The following TIMM9 variants were observed in gnomAD, a reference collection of about 807,000 sequenced individuals.
TIMM9 encodes the protein mitochondrial import inner membrane translocase subunit Tim9.
A neutral mutation model predicts 13.4 loss-of-function variants in TIMM9; 10 were observed. That is an observed-to-expected ratio of 0.75 (90% CI 0.46 to 1.26). The LOEUF (loss-of-function observed/expected upper bound fraction) is 1.26. Among genes scored for constraint, TIMM9 ranks in the 50% most tolerant of loss-of-function variants. The pLI is 0.00. For missense variants in TIMM9, 87 were observed against 100.8 expected (o/e 0.86, Z 0.58); for synonymous variants, 32 against 32.1 (o/e 1.00, Z 0.01).
In TIMM9 at chr14:58,408,956, T is replaced by G. The variant is rs1476414971; in HGVS notation, c.*78A>C. 1 of 1,542,908 alleles carries G rather than the reference T, an allele frequency of 6.5e-7. No individual in the cohort carries two copies. The highest frequency in any genetic ancestry group is 8.7e-7 in the Non-Finnish European group (1 of 1,150,242). On this transcript the variant is annotated 3_prime_UTR_variant, in exon 6 of 6. Transcript: ENST00000395159. Reference sequence around the variant, plus strand: ...CATGGTGGCTACTGCTTTCAGGGGATTCTATCAGATGAGTCCTCATTTCCA... The same window carrying G: ...CATGGTGGCTACTGCTTTCAGGGGAGTCTATCAGATGAGTCCTCATTTCCA...
intron 3 of TIMM9, among the ~76,000 whole-genome samples, chr14:58,419,131 A>G (rs1202448320): frequency 6.6e-6 from 1 of 152,122 alleles, no homozygotes; most frequent in Non-Finnish European, 1.5e-5. Flanking sequence ...GTGGAACATA[A>G]CAAAGAATCT....
At chr14:58,426,943 C>T (rs1268745589) in intron 2 of TIMM9, 111 bp downstream of exon 2, 3 of 152,824 alleles carry the variant, frequency 2.0e-5, no homozygotes, top group Non-Finnish European at 2.9e-5. Flanking sequence ...CCCCACTGCT[C>T]CAGGTACGTG....
intron 3 of TIMM9, among the ~76,000 whole-genome samples, chr14:58,414,736 C>CAAAAAA (rs35380721): frequency 1.7e-5 from 2 of 117,554 alleles, no homozygotes; most frequent in Non-Finnish European, 3.4e-5. Flanking sequence ...GACGCCATCT[C>CAAAAAA]AAAAAAAAAA....
rs1410085565 is a variant in TIMM9 at position 58,416,572 on chromosome 14, G to A, written c.-26-4601C>T. The stretch of plus-strand genomic sequence containing the variant: ...CTAAACGAAGAAAATGATAAAAGTA[G>A]TAGTCCTGGAACATCAAGGAGGAAA... On this transcript the variant is annotated intron_variant, in intron 3 of 5. Transcript: ENST00000395159. Among the ~76,000 whole-genome samples the A allele has an allele frequency of 2.0e-5, 3 of 152,160 alleles. No individual in the cohort carries two copies. The South Asian group carries it at 6.2e-4, about 32-fold the overall frequency.
chr14:58,413,093 G>A (rs569095708), intron 3 of TIMM9, among the ~76,000 whole-genome samples: 1 of 152,092 alleles, frequency 6.6e-6, no homozygotes, highest in African/African-American at 2.4e-5. Context: ...CACATAAAAA[G>A]TATTAATAAG....
At position 58,408,598 on chromosome 14, in the gene TIMM9, A is replaced by G; in HGVS notation, c.*436T>C. The stretch of plus-strand genomic sequence containing the variant: ...TCCTGATTGAAAAACATTTCAACGT[A>G]TCCACAGTCCAGTGAGAATACTATG... On this transcript the variant is annotated 3_prime_UTR_variant, in exon 6 of 6. Transcript: ENST00000395159. 6.2e-7 allele frequency: 1 copy of G among 1,611,888 alleles called. No individual in the cohort carries two copies. The highest frequency in any genetic ancestry group is 8.5e-7 in the Non-Finnish European group (1 of 1,178,140).
At chr14:58,417,497 T>TG (rs2036450178) in intron 3 of TIMM9, among the ~76,000 whole-genome samples, 3 of 27,590 alleles carry the variant, frequency 1.1e-4, no homozygotes, top group South Asian at 1.8e-3. Context: ...CAAGACCCTG[T>TG]TAAAAAAAAA....
intron 5 of TIMM9, among the ~76,000 whole-genome samples, chr14:58,409,421 T>G (rs976683497): frequency 1.3e-5 from 2 of 152,198 alleles, no homozygotes; most frequent in Non-Finnish European, 2.9e-5. Flanking sequence ...TTCAAAAAGC[T>G]TCTGGACTAG....
At chr14:58,420,793 CAAAA>C (rs71107945) in intron 3 of TIMM9, among the ~76,000 whole-genome samples, 1 of 57,490 alleles carries the variant, frequency 1.7e-5, no homozygotes. Context: ...AAATCCATCT[CAAAA>C]AAAAAAAAAA....
chr14:58,416,552 C>T (rs570224657), intron 3 of TIMM9, among the ~76,000 whole-genome samples: 11 of 151,988 alleles, frequency 7.2e-5, no homozygotes, highest in African/African-American at 9.7e-5. Flanking sequence ...AGTTTCTAAA[C>T]GAAGAAAATG....
intron 2 of TIMM9, among the ~76,000 whole-genome samples, chr14:58,426,442 T>A (rs1221919325): frequency 1.3e-5 from 2 of 152,112 alleles, no homozygotes; most frequent in Non-Finnish European, 2.9e-5. Context: ...CCTGATCTCG[T>A]GATCCGCCCG....
At position 58,426,024 on chromosome 14, in the gene TIMM9, G is replaced by A. The variant is rs1028020547; in HGVS notation, c.-115+1030C>T. Among the ~76,000 whole-genome samples, 3 of 151,588 alleles carry A rather than the reference G, an allele frequency of 2.0e-5. No individual in the cohort carries two copies. The East Asian group carries it at 5.9e-4, about 30-fold the overall frequency. On this transcript the variant is annotated intron_variant, in intron 2 of 5. Coordinates refer to ENST00000395159, the MANE Select transcript of TIMM9 (RefSeq NM_012460.4). Reference sequence around the variant, plus strand: ...CCAGCTACTCAGGAGGCCTGAGGCAGAAGAATCGCTTGAACCTGGGAGGCG... The same window carrying A: ...CCAGCTACTCAGGAGGCCTGAGGCAAAAGAATCGCTTGAACCTGGGAGGCG...
chr14:58,421,694 C>T lies in TIMM9; in HGVS notation c.-27+2314G>A, dbSNP rs1375204040. Among the ~76,000 whole-genome samples, 9 of 152,204 alleles carry T rather than the reference C, an allele frequency of 5.9e-5. No individual in the cohort carries two copies. In the East Asian group the frequency reaches 1.7e-3, roughly 29 times the overall value. ...TTCCAAGCTAGAGTTCTTCTGGATT[C>T]CCACTCAGAAAACAGTCTGAAAAGA... On this transcript the variant is annotated intron_variant, in intron 3 of 5. Transcript: ENST00000395159.
intron 4 of TIMM9, 78 bp from the exon 5 acceptor site, chr14:58,411,016 T>C: frequency 1.0e-6 from 1 of 974,576 alleles, no homozygotes; most frequent in South Asian, 1.4e-5. Flanking sequence ...ACTGGTATTT[T>C]ATATTTAGAC....
intron 3 of TIMM9, among the ~76,000 whole-genome samples, chr14:58,423,283 C>T (rs1241210358): frequency 6.6e-6 from 1 of 151,452 alleles, no homozygotes; most frequent in Admixed American, 6.6e-5. Flanking sequence ...ATTGGGAGGC[C>T]AAGGCGGGTG....
rs368287497 is a variant in TIMM9, at chr14:58,419,271, C to T, written c.-27+4737G>A. ...GAGTTCAAGAACAACCTGGGCAACA[C>T]AGCGAGACCTTGTCTGTACAAATAA... is the stretch of plus-strand genomic sequence containing the variant. On this transcript the variant is annotated intron_variant, in intron 3 of 5. Transcript: ENST00000395159. Among the ~76,000 whole-genome samples, 4 of 152,062 alleles carry T rather than the reference C, an allele frequency of 2.6e-5. 1 individual carries two copies.
chr14:58,427,312 C>T (rs1242152248), intron 1 of TIMM9, 70 bp from the exon 2 acceptor site: 23 of 334,958 alleles, frequency 6.9e-5, no homozygotes, highest in Non-Finnish European at 2.8e-5. Flanking sequence ...TTATTTTCTG[C>T]TTAGACAACG....
At position 58,427,394 on chromosome 14, in the gene TIMM9, A is replaced by AT. The variant is rs370910907; in HGVS notation, c.-307_-306insA. ...AACTTCTTGGAAGCCTAATTTACCT[A>AT]ATCCCACGTCCCTAACGGTCTTCGG... On this transcript the variant is annotated 5_prime_UTR_variant, in exon 1 of 6. Coordinates refer to ENST00000395159, the MANE Select transcript of TIMM9 (RefSeq NM_012460.4). The AT allele has an allele frequency of 7.0e-5, 36 of 510,790 alleles. No individual in the cohort carries two copies. Among genetic ancestry groups the AT allele is most frequent in the African/African-American group, 6.5e-4 (34 of 52,030 alleles). 31.6% of individuals were successfully genotyped at this position (510,790 alleles called of 1,614,324 possible). A position where few individuals can be genotyped will look rare whatever the true frequency, so the allele number is the denominator to read the frequency against.
intron 3 of TIMM9, among the ~76,000 whole-genome samples, chr14:58,417,529 G>A (rs1221093374): frequency 7.2e-6 from 1 of 138,690 alleles, no homozygotes; most frequent in Non-Finnish European, 1.6e-5. Flanking sequence ...GGAAGTGGAG[G>A]TAAGGAAGGA....
Sources: gnomAD v4.1 joint callset for allele counts (sites outside exome capture counted in the v4.1 genomes callset) on GRCh38, gnomAD v4.1.1 for gene constraint, MANE v1.5 for transcripts, NCBI Gene and HGNC (gene_info 2026-07-23, HGNC 2026-07-21) for gene names.